THAP12: variants seen among roughly 807,000 people sequenced by gnomAD.
THAP12 encodes 52 kDa repressor of the inhibitor of the protein kinase.
A neutral mutation model predicts 63.0 loss-of-function variants in THAP12; 20 were observed. The observed-to-expected ratio is 0.32, with a 90% confidence interval of 0.22 to 0.46. The LOEUF is 0.46. Ranked by LOEUF, THAP12 falls within the 20% of genes least tolerant of loss-of-function variation. The probability of loss-of-function intolerance (pLI) is 1.00; values close to 1 mark genes in which losing one functional copy is unlikely to be tolerated. For synonymous variants in THAP12, 264 were observed against 328.4 expected, an observed-to-expected ratio of 0.80 and a Z score of 2.12; for missense variants, 568 against 908.2, an observed-to-expected ratio of 0.63 and a Z score of 4.81.
At chr11:76,363,752 C>G (rs1024011861) in intron 2 of THAP12, among the ~76,000 whole-genome samples, 1 of 152,040 alleles carries the variant, frequency 6.6e-6, no homozygotes, top group Non-Finnish European at 1.5e-5. Context: ...CCATGCCCAG[C>G]AAAATTTTTT....
rs964431067 is a variant in THAP12 at position 76,376,892 on chromosome 11, T to C, written c.89+3856A>G. Among the ~76,000 whole-genome samples the C allele has an allele frequency of 2.0e-5, 3 of 152,144 alleles. No individual in the cohort carries two copies. In the South Asian group the frequency reaches 6.2e-4, roughly 31 times the overall value. ...ACTAGGGGTGCCCTCATTATGGAAG[T>C]GAAATAAACCTGTAAGAATGTCTTT... On this transcript the variant is annotated intron_variant, in intron 1 of 4. Transcript: ENST00000260045.
chr11:76,379,100 G>A (rs1252098202), intron 1 of THAP12, among the ~76,000 whole-genome samples: 3 of 152,264 alleles, frequency 2.0e-5, no homozygotes, highest in African/African-American at 7.2e-5. Flanking sequence ...ACTGCTTGAA[G>A]CCAGGAGTTC....
At chr11:76,360,776 A>G (rs1946592936) in intron 3 of THAP12, among the ~76,000 whole-genome samples, 180 bp downstream of exon 3, 1 of 152,240 alleles carries the variant, frequency 6.6e-6, no homozygotes, top group African/African-American at 2.4e-5. Context: ...AGATTTTCCA[A>G]TTTAAATACT....
chr11:76,353,208 A>C (rs886743561), intron 4 of THAP12, among the ~76,000 whole-genome samples: 1 of 152,212 alleles, frequency 6.6e-6, no homozygotes, highest in Non-Finnish European at 1.5e-5. Flanking sequence ...ACACTTAACA[A>C]GACTTTCCAC....
intron 3 of THAP12, chr11:76,358,936 T>C (rs1433703276): frequency 6.6e-6 from 1 of 152,178 alleles, no homozygotes; most frequent in Non-Finnish European, 1.5e-5. Flanking sequence ...ATTACTAGAA[T>C]TGTTCAACAT....
chr11:76,363,973 T>A (rs1178265530), intron 2 of THAP12, among the ~76,000 whole-genome samples: 1 of 152,182 alleles, frequency 6.6e-6, no homozygotes, highest in Non-Finnish European at 1.5e-5. Context: ...ACATTTGCGT[T>A]CATTTATTCA....
intron 2 of THAP12, among the ~76,000 whole-genome samples, chr11:76,361,599 T>G (rs1946598285): frequency 6.6e-6 from 1 of 152,188 alleles, no homozygotes; most frequent in South Asian, 2.1e-4. Flanking sequence ...TTACTTTCCC[T>G]TTTTGGGCCC....
intron 1 of THAP12, among the ~76,000 whole-genome samples, chr11:76,367,447 G>C (rs1363295376): frequency 1.3e-5 from 2 of 151,200 alleles, no homozygotes; most frequent in Non-Finnish European, 2.9e-5. Context: ...TTTTGAGATG[G>C]TGTCTTGCTC....
intron 1 of THAP12, among the ~76,000 whole-genome samples, chr11:76,378,067 A>G (rs1242717329): frequency 6.6e-6 from 1 of 150,450 alleles, no homozygotes; most frequent in African/African-American, 2.4e-5. Flanking sequence ...TTTAATTTTG[A>G]TGAAGTCCAA....
chr11:76,366,341 C>T (rs1213558557), intron 1 of THAP12, among the ~76,000 whole-genome samples: 1 of 152,156 alleles, frequency 6.6e-6, no homozygotes, highest in Admixed American at 6.5e-5. Flanking sequence ...ACATTCCCTT[C>T]AGGATTTCAA....
chr11:76,370,031 T>C (rs906135082), intron 1 of THAP12, among the ~76,000 whole-genome samples: 42 of 152,248 alleles, frequency 2.8e-4, no homozygotes, highest in African/African-American at 9.4e-4. Context: ...AGTGATGGAA[T>C]AGCAGATACA....
At chr11:76,358,869 A>G (rs1348488649) in intron 3 of THAP12, 1 of 152,164 alleles carries the variant, frequency 6.6e-6, no homozygotes, top group Non-Finnish European at 1.5e-5. Context: ...CTTGATAAAA[A>G]CTATCTAACA....
chr11:76,356,821 T>A (rs1037035810), intron 3 of THAP12: 14 of 152,218 alleles, frequency 9.2e-5, no homozygotes, highest in African/African-American at 3.4e-4. Context: ...GGCGGGAGGA[T>A]CACCTGAGGT....
At chr11:76,368,796 T>A (rs148364346) in intron 1 of THAP12, among the ~76,000 whole-genome samples, 1 of 152,064 alleles carries the variant, frequency 6.6e-6, no homozygotes, top group African/African-American at 2.4e-5. Flanking sequence ...ATATGAAAGG[T>A]AAAACAATAA....
chr11:76,377,618 T>A (rs946074576), intron 1 of THAP12, among the ~76,000 whole-genome samples: 1 of 152,266 alleles, frequency 6.6e-6, no homozygotes, highest in African/African-American at 2.4e-5. Flanking sequence ...ATTGTATTGA[T>A]ATACATTTTG....
At chr11:76,365,400 T>C (rs2134508017) in intron 2 of THAP12, among the ~76,000 whole-genome samples, 1 of 152,264 alleles carries the variant, frequency 6.6e-6, no homozygotes, top group South Asian at 2.1e-4. Flanking sequence ...TGAGTTTTTT[T>C]TCCAGACAAG....
Position 76,350,993 on chromosome 11 carries a change from G to A in THAP12, c.2157C>T (p.Asn719=). The change falls in exon 5 of 5, where the codon AAC becomes AAT. Residue 719 remains asparagine, a synonymous_variant. Coordinates refer to ENST00000260045, the MANE Select transcript of THAP12 (RefSeq NM_004705.4). ...RNTLTDQRSS[N]LALLNINFDI... is the part of the protein sequence containing the mutation. ...CAAAATTTATGTTAAGCAAAGCCAAGTTACTTGACCTTTGGTCTGTCAAAG... is the reference window on the plus strand; with the variant it reads ...CAAAATTTATGTTAAGCAAAGCCAAATTACTTGACCTTTGGTCTGTCAAAG... 1 of 1,611,680 alleles carries A rather than the reference G, an allele frequency of 6.2e-7. No homozygotes were observed. Among genetic ancestry groups the A allele is most frequent in the South Asian group, 1.1e-5 (1 of 90,878 alleles).
chr11:76,372,617 C>A (rs1003710959), intron 1 of THAP12, among the ~76,000 whole-genome samples: 5 of 149,552 alleles, frequency 3.3e-5, no homozygotes, highest in Non-Finnish European at 7.4e-5. Flanking sequence ...AGGGACCGGG[C>A]ATGGTGGCTC....
intron 3 of THAP12, chr11:76,357,560 AAAG>A (rs1377346706): frequency 1.3e-5 from 2 of 152,178 alleles, no homozygotes; most frequent in Non-Finnish European, 2.9e-5. Flanking sequence ...TTGAGGGAGA[AAAG>A]AAGATTACCT....
Sources: allele counts gnomAD v4.1 joint callset (sites outside exome capture counted in the v4.1 genomes callset), GRCh38; gene constraint gnomAD v4.1.1; transcripts MANE v1.5; gene names NCBI Gene and HGNC (gene_info 2026-07-23, HGNC 2026-07-21).